The following FAT4 variants were observed in gnomAD, a reference collection of about 807,000 sequenced individuals.
The protein encoded by FAT4 is protocadherin Fat 4.
FAT4 carries 84 observed loss-of-function variants against 303.9 expected under a neutral mutation model. The ratio of observed to expected loss-of-function variants is 0.28; its 90% CI spans 0.23 to 0.33. The LOEUF is 0.33. Ranked by LOEUF, FAT4 falls within the 10% of genes least tolerant of loss-of-function variation. The pLI, the probability that FAT4 is intolerant of heterozygous loss-of-function variation, is 1.00. For synonymous variants in FAT4, 2,307 were observed against 2,298.8 expected (o/e 1.00, Z -0.10); for missense variants, 6,005 against 6,146.8 (o/e 0.98, Z 0.77).
chr4:125,396,946 A>G (rs200862103), intron 2 of FAT4, among the ~76,000 whole-genome samples: 34,875 of 144,280 alleles, frequency 0.24, 4,380 homozygotes, highest in East Asian at 0.38. Context: ...ATATATATAT[A>G]TATATATATA....
chr4:125,330,220 A>ATTTT (rs138860579), intron 2 of FAT4, among the ~76,000 whole-genome samples: 1 of 151,328 alleles, frequency 6.6e-6, no homozygotes, highest in African/African-American at 2.4e-5. Context: ...TACTTCAAGT[A>ATTTT]TTTTTTTTTA....
At chr4:125,432,546 G>T (rs1578636678) in intron 7 of FAT4, among the ~76,000 whole-genome samples, 1 of 151,952 alleles carries the variant, frequency 6.6e-6, no homozygotes, top group African/African-American at 2.4e-5. Context: ...TATCTATTTT[G>T]TGTGTGTGAA....
At position 125,320,438 on chromosome 4, in the gene FAT4, G is replaced by A. The variant is rs1390670394; in HGVS notation, c.4027G>A (p.Asp1343Asn). Residue 1343 changes from aspartate (D) to asparagine (N), a missense_variant, in exon 2 of 18, where the codon GAT becomes AAT. Transcript: ENST00000394329. ...LVSSVTATDSDSGDNADLYYS... is the reference protein window; with the variant it reads ...LVSSVTATDSNSGDNADLYYS... ...GTCCTCTGTTACTGCAACTGATTCC[G>A]ATTCAGGTGACAATGCTGATTTATA... is the stretch of plus-strand genomic sequence containing the variant. 1.9e-6 allele frequency: 3 copies of A among 1,613,866 alleles called. No individual in the cohort carries two copies. The highest frequency in any genetic ancestry group is 2.5e-6 in the Non-Finnish European group (3 of 1,179,778).
chr4:125,396,950 AT>A (rs1560797461), intron 2 of FAT4, among the ~76,000 whole-genome samples: 10 of 144,074 alleles, frequency 6.9e-5, no homozygotes, highest in African/African-American at 1.6e-4. Flanking sequence ...ATATATATAT[AT>A]ATATATATAT....
rs1349830985 is a variant in FAT4 at position 125,491,805 on chromosome 4, A to G, written c.*37A>G. 9.8e-6 allele frequency: 15 copies of G among 1,530,190 alleles called. No homozygotes were observed. The highest frequency in any genetic ancestry group is 2.8e-5 in the African/African-American group (2 of 71,458). The allele number at this position is 1,530,190 out of a possible 1,614,324, so 94.8% of individuals were successfully genotyped here. On this transcript the variant is annotated 3_prime_UTR_variant, in exon 18 of 18. Coordinates refer to ENST00000394329, the MANE Select transcript of FAT4 (RefSeq NM_001291303.3). Reference sequence around the variant, plus strand: ...TGGCACTATAAAATATAAAAACAAGAAATAATACTCAAACCATTGTAAAGT... The same window carrying G: ...TGGCACTATAAAATATAAAAACAAGGAATAATACTCAAACCATTGTAAAGT...
chr4:125,433,958 A>G (rs575026530), intron 7 of FAT4, among the ~76,000 whole-genome samples: 21 of 152,318 alleles, frequency 1.4e-4, no homozygotes, highest in African/African-American at 3.8e-4. Context: ...TGGCATTCAA[A>G]TGATATTGTT....
intron 3 of FAT4, among the ~76,000 whole-genome samples, chr4:125,406,464 GT>G (rs1734610665): frequency 6.6e-6 from 1 of 152,144 alleles, no homozygotes; most frequent in Non-Finnish European, 1.5e-5. Flanking sequence ...TCTCAAGATT[GT>G]TTTGGCTATT....
chr4:125,430,764 A>G (rs1415372815), intron 7 of FAT4, among the ~76,000 whole-genome samples: 8 of 152,162 alleles, frequency 5.3e-5, no homozygotes, highest in African/African-American at 1.9e-4. Flanking sequence ...GCTTGAAAAC[A>G]GACTCATATA....
At position 125,317,695 on chromosome 4, in the gene FAT4, C is replaced by T. The variant is rs546059430; in HGVS notation, c.1284C>T (p.Arg428=). 6.2e-7 allele frequency: 1 copy of T among 1,614,100 alleles called. No homozygotes were observed. The highest frequency in any genetic ancestry group is 2.2e-5 in the East Asian group (1 of 44,872). The change falls in exon 2 of 18, where the codon CGC becomes CGT. Residue 428 remains arginine, a synonymous_variant. Coordinates refer to ENST00000394329, the MANE Select transcript of FAT4 (RefSeq NM_001291303.3). The surrounding 1 kb of genome is among the most constrained non-coding windows in gnomAD (Gnocchi z 7.0). ...SLIKVASALD[R]ERIPSYNLTV... is the part of the protein sequence containing the mutation. ...TCAAGGTGGCCAGCGCCTTGGACCGCGAGCGCATCCCTTCCTACAACCTCA... is the reference window on the plus strand; with the variant it reads ...TCAAGGTGGCCAGCGCCTTGGACCGTGAGCGCATCCCTTCCTACAACCTCA...
intron 2 of FAT4, among the ~76,000 whole-genome samples, chr4:125,331,233 A>G (rs1478620880): frequency 2.0e-5 from 3 of 152,106 alleles, no homozygotes; most frequent in Non-Finnish European, 4.4e-5. Flanking sequence ...TGCTATATGC[A>G]CAGCACCTAC....
chr4:125,332,251 G>A (rs1445166352), intron 2 of FAT4, among the ~76,000 whole-genome samples: 1 of 148,804 alleles, frequency 6.7e-6, no homozygotes, highest in African/African-American at 2.5e-5. Flanking sequence ...AAGACACAAG[G>A]AATTTCATTA....
intron 8 of FAT4, 100 bp from the exon 9 acceptor site, chr4:125,446,193 A>G: frequency 1.0e-6 from 1 of 976,840 alleles, no homozygotes; most frequent in Non-Finnish European, 1.5e-6. Flanking sequence ...CTTTCTTGTA[A>G]CGTTTTCTTG....
At position 125,441,130 on chromosome 4, in the gene FAT4, A is replaced by G. The variant is rs1280583230; in HGVS notation, c.7200-5163A>G. ...CCTGTAAAATTATGAAGCCCTGACT[A>G]TGCACCAAAAATTTATTAAACTCTC... On this transcript the variant is annotated intron_variant, in intron 8 of 17. Transcript: ENST00000394329. 4.6e-5 allele frequency among the ~76,000 whole-genome samples: 7 copies of G among 152,194 alleles called. No individual in the cohort carries two copies. In the South Asian group the frequency reaches 1.2e-3, roughly 27 times the overall value.
At chr4:125,329,906 T>C (rs1156941518) in intron 2 of FAT4, among the ~76,000 whole-genome samples, 2 of 152,230 alleles carry the variant, frequency 1.3e-5, no homozygotes, top group South Asian at 2.1e-4. Context: ...GTTGATCTTG[T>C]TGGCTCTGTC....
At chr4:125,391,965 A>G (rs1355139580) in intron 2 of FAT4, among the ~76,000 whole-genome samples, 4 of 152,174 alleles carry the variant, frequency 2.6e-5, no homozygotes, top group African/African-American at 9.7e-5. Flanking sequence ...TTTACATGCT[A>G]GACATGGATA....
chr4:125,369,188 G>A (rs1578566813), intron 2 of FAT4, among the ~76,000 whole-genome samples: 1 of 152,168 alleles, frequency 6.6e-6, no homozygotes, highest in Non-Finnish European at 1.5e-5. Context: ...GTGAGATGCA[G>A]TTTCAGGTAA....
intron 2 of FAT4, among the ~76,000 whole-genome samples, chr4:125,340,414 C>G (rs1009616186): frequency 1.3e-5 from 2 of 151,448 alleles, no homozygotes; most frequent in African/African-American, 2.4e-5. Context: ...GACGGAGCCT[C>G]GCTCTGTCGC....
In FAT4 at chr4:125,491,516, C is replaced by T. The variant is rs149897030; in HGVS notation, c.14700C>T (p.Ala4900=). ...LKPRRYHGRR[A]EGGPVGTQAA... Reference sequence around the variant, plus strand: ...CTCGAAGGTACCACGGTCGCAGGGCCGAGGGAGGACCTGTGGGCACCCAGG... The same window carrying T: ...CTCGAAGGTACCACGGTCGCAGGGCTGAGGGAGGACCTGTGGGCACCCAGG... Residue 4900 remains alanine (A), a synonymous_variant, in exon 18 of 18, where the codon GCC becomes GCT. Coordinates refer to ENST00000394329, the MANE Select transcript of FAT4 (RefSeq NM_001291303.3). The T allele has an allele frequency of 4.8e-5, 78 of 1,614,004 alleles. No individual in the cohort carries two copies. The highest frequency in any genetic ancestry group is 1.1e-4 in the East Asian group (5 of 44,874).
intron 2 of FAT4, among the ~76,000 whole-genome samples, chr4:125,348,590 A>G (rs1175021901): frequency 6.6e-6 from 1 of 151,666 alleles, no homozygotes; most frequent in Non-Finnish European, 1.5e-5. Context: ...AGTACACTAG[A>G]GTAGTTCTTC....
Sources: gnomAD v4.1 joint callset for allele counts (sites outside exome capture counted in the v4.1 genomes callset) on GRCh38, gnomAD v4.1.1 for gene constraint, Gnocchi (gnomAD v3.1) non-coding constraint, MANE v1.5 for transcripts, NCBI Gene and HGNC (gene_info 2026-07-23, HGNC 2026-07-21) for gene names.